Variants in SGMS1 observed in about 807,000 individuals in gnomAD.
The protein encoded by SGMS1 is sphingomyelin synthase 1.
SGMS1 carries 13 observed loss-of-function variants against 46.2 expected under a neutral mutation model. The ratio of observed to expected loss-of-function variants is 0.28; its 90% CI spans 0.18 to 0.45. SGMS1 has a LOEUF of 0.45. SGMS1 is among the 20% of genes least tolerant of loss of function. SGMS1 has a pLI of 1.00. For missense variants in SGMS1, 324 were observed against 519.9 expected, an observed-to-expected ratio of 0.62 and a Z score of 3.66; for synonymous variants, 203 against 187.8, an observed-to-expected ratio of 1.08 and a Z score of -0.66.
chr10:50,350,419 G>A (rs1424328938), intron 6 of SGMS1, among the ~76,000 whole-genome samples: 1 of 152,166 alleles, frequency 6.6e-6, no homozygotes, highest in African/African-American at 2.4e-5. Context: ...ATTCAAGCTG[G>A]CTGCAGAAAT....
In SGMS1 at chr10:50,343,839, G is replaced by T. The variant is rs775692028; in HGVS notation, c.276C>A (p.Pro92=). 3 of 1,614,184 alleles carry T rather than the reference G, an allele frequency of 1.9e-6. No homozygotes were observed. In the South Asian group the frequency reaches 3.3e-5, roughly 18 times the overall value. ...NGHLNIGVDI[P]TPDGSFSIKI... ...TGATGCTGAAGCTGCCGTCGGGGGT[G>T]GGGATGTCTACGCCAATGTTGAGGT... The change falls in exon 7 of 11, where the codon CCC becomes CCA. Residue 92 remains proline (P), a synonymous_variant. Transcript: ENST00000361781.
chr10:50,500,121 T>C (rs1199292145), intron 3 of SGMS1, among the ~76,000 whole-genome samples: 2 of 152,262 alleles, frequency 1.3e-5, no homozygotes, highest in East Asian at 3.9e-4. Context: ...TGAGCCAAGA[T>C]TGCACCACTG....
intron 5 of SGMS1, among the ~76,000 whole-genome samples, chr10:50,447,395 A>G (rs1837034072): frequency 1.3e-5 from 2 of 152,154 alleles, no homozygotes; most frequent in South Asian, 4.1e-4. Context: ...GTTCTTGAAT[A>G]TAAATTGGTA....
chr10:50,523,016 C>A (rs994814964), intron 2 of SGMS1, among the ~76,000 whole-genome samples: 1 of 152,146 alleles, frequency 6.6e-6, no homozygotes, highest in African/African-American at 2.4e-5. Context: ...CTAGGGTTCA[C>A]CTCCCTATAT....
intron 2 of SGMS1, among the ~76,000 whole-genome samples, chr10:50,551,590 A>G (rs1033425949): frequency 2.6e-5 from 4 of 152,096 alleles, no homozygotes; most frequent in Admixed American, 6.6e-5. Flanking sequence ...TCGATATAAG[A>G]TATTAGCAGT....
intron 3 of SGMS1, among the ~76,000 whole-genome samples, chr10:50,510,888 T>A (rs779522976): frequency 6.6e-6 from 1 of 152,222 alleles, no homozygotes; most frequent in African/African-American, 2.4e-5. Context: ...TATAGATTTA[T>A]ATAACAATTT....
At chr10:50,365,646 C>T (rs1419832281) in intron 6 of SGMS1, among the ~76,000 whole-genome samples, 1 of 152,094 alleles carries the variant, frequency 6.6e-6, no homozygotes, top group African/African-American at 2.4e-5. Flanking sequence ...ATGTGTTCTC[C>T]TTGTTCGACT....
At chr10:50,312,016 A>G (rs1847261953) in intron 8 of SGMS1, among the ~76,000 whole-genome samples, 1 of 152,238 alleles carries the variant, frequency 6.6e-6, no homozygotes, top group African/African-American at 2.4e-5. Context: ...TGTCTATGAT[A>G]CAAGTCTGGG....
Position 50,538,382 on chromosome 10 carries a change from C to T in SGMS1, c.-588-18461G>A, listed in dbSNP as rs545377983. Among the ~76,000 whole-genome samples the T allele has an allele frequency of 9.3e-5, 14 of 150,380 alleles. No homozygotes were observed. The East Asian group carries it at 1.8e-3, about 19-fold the overall frequency. The stretch of plus-strand genomic sequence containing the variant: ...CTGAGGCAGGACAATGGCATGAACC[C>T]GGGAGGCGGAGCTTGCAGTGAGCCA... On this transcript the variant is annotated intron_variant, in intron 2 of 10. Transcript: ENST00000361781.
At chr10:50,428,561 G>A (rs1017380612) in intron 6 of SGMS1, among the ~76,000 whole-genome samples, 2 of 152,150 alleles carry the variant, frequency 1.3e-5, no homozygotes, top group Admixed American at 1.3e-4. Context: ...AATGATAGAA[G>A]CTGTCCTGTT....
In SGMS1 at chr10:50,352,646, C is replaced by A. The variant is rs548971517; in HGVS notation, c.-231-8301G>T. The stretch of plus-strand genomic sequence containing the variant: ...AAATCTCATACATAGCAAAGAGTCA[C>A]CTTGGGGCTAGACCAAGACCCAAAA... On this transcript the variant is annotated intron_variant, in intron 6 of 10. Transcript: ENST00000361781. Among the ~76,000 whole-genome samples the A allele has an allele frequency of 2.0e-5, 3 of 152,264 alleles. No homozygotes were observed. In the East Asian group the frequency reaches 5.8e-4, roughly 29 times the overall value.
At chr10:50,470,612 G>C (rs57959812) in intron 3 of SGMS1, among the ~76,000 whole-genome samples, 19,907 of 151,824 alleles carry the variant, frequency 0.13, 1,409 homozygotes, top group Middle Eastern at 0.22. Flanking sequence ...TCACAAGGGA[G>C]GACTTTCCAC....
chr10:50,564,211 T>G (rs988013473), intron 2 of SGMS1, among the ~76,000 whole-genome samples: 2 of 152,156 alleles, frequency 1.3e-5, no homozygotes, highest in African/African-American at 2.4e-5. Context: ...AAACACATGC[T>G]GCAAGGAAGT....
chr10:50,530,633 T>G (rs1393434681), intron 2 of SGMS1, among the ~76,000 whole-genome samples: 1 of 152,010 alleles, frequency 6.6e-6, no homozygotes, highest in Non-Finnish European at 1.5e-5. Flanking sequence ...TACACGTATG[T>G]GCCACCACAT....
intron 1 of SGMS1, among the ~76,000 whole-genome samples, chr10:50,609,521 G>GTTTTT (rs370846975): frequency 0.019 from 2,257 of 116,916 alleles, 78 homozygotes; most frequent in African/African-American, 0.062. Context: ...CTTCTCAATA[G>GTTTTT]TTTTTTTTTT....
chr10:50,411,609 T>C (rs1169794676), intron 6 of SGMS1, among the ~76,000 whole-genome samples: 4 of 152,256 alleles, frequency 2.6e-5, no homozygotes, highest in African/African-American at 7.2e-5. Flanking sequence ...CTAAAGTGGA[T>C]AAATTGTTTT....
At chr10:50,598,339 T>G (rs1287450289) in intron 1 of SGMS1, among the ~76,000 whole-genome samples, 2 of 152,182 alleles carry the variant, frequency 1.3e-5, no homozygotes, top group Non-Finnish European at 2.9e-5. Context: ...ACTTCAAGTT[T>G]GCAGAACTCT....
At chr10:50,495,052 TA>T (rs141127221) in intron 3 of SGMS1, among the ~76,000 whole-genome samples, 19,671 of 61,156 alleles carry the variant, frequency 0.32, 2,700 homozygotes, top group Middle Eastern at 0.41. Flanking sequence ...AAAAATAAAA[TA>T]AAAAAAAATA....
chr10:50,409,363 T>C (rs1000216294), intron 6 of SGMS1, among the ~76,000 whole-genome samples: 1 of 152,216 alleles, frequency 6.6e-6, no homozygotes, highest in Non-Finnish European at 1.5e-5. Context: ...TGTTTCTGTT[T>C]TTCCTATTCT....
Sources: gnomAD v4.1 joint callset for allele counts (sites outside exome capture counted in the v4.1 genomes callset) on GRCh38, gnomAD v4.1.1 for gene constraint, MANE v1.5 for transcripts, NCBI Gene and HGNC (gene_info 2026-07-23, HGNC 2026-07-21) for gene names.